Variants in LPP observed in about 807,000 individuals in gnomAD.
The protein encoded by LPP is lipoma-preferred partner.
A neutral mutation model predicts 60.4 loss-of-function variants in LPP; 38 were observed. The ratio of observed to expected loss-of-function variants is 0.63; its 90% CI spans 0.49 to 0.83. The LOEUF is 0.83. LPP is among the 40% of genes least tolerant of loss of function. The pLI, the probability that LPP is intolerant of heterozygous loss-of-function variation, is 0.00. For missense variants in LPP, 902 were observed against 783.6 expected (o/e 1.15, Z -1.80); for synonymous variants, 328 against 290.8 (o/e 1.13, Z -1.30).
At chr3:188,395,819 T>C (rs116086123) in intron 3 of LPP, among the ~76,000 whole-genome samples, 1,569 of 151,976 alleles carry the variant, frequency 0.01, 31 homozygotes, top group African/African-American at 0.035. Context: ...GAGGCTGAGG[T>C]GGGAGAAATA....
chr3:188,733,044 A>C (rs1428600841), intron 8 of LPP, among the ~76,000 whole-genome samples: 1 of 151,994 alleles, frequency 6.6e-6, no homozygotes, highest in Non-Finnish European at 1.5e-5. Context: ...GGTCGAACTC[A>C]GTGAAAAAGG....
chr3:188,596,860 G>C (rs1387332110), intron 6 of LPP, among the ~76,000 whole-genome samples: 1 of 152,086 alleles, frequency 6.6e-6, no homozygotes, highest in African/African-American at 2.4e-5. Flanking sequence ...ATAGCCACTT[G>C]CTCACACTGG....
At chr3:188,470,785 A>G (rs1214524596) in intron 4 of LPP, among the ~76,000 whole-genome samples, 1 of 152,182 alleles carries the variant, frequency 6.6e-6, no homozygotes, top group East Asian at 1.9e-4. Context: ...CCAGGAAGCC[A>G]GAGGAAGCAT....
At chr3:188,645,442 G>A (rs1850932764) in intron 7 of LPP, among the ~76,000 whole-genome samples, 1 of 152,138 alleles carries the variant, frequency 6.6e-6, no homozygotes, top group African/African-American at 2.4e-5. Context: ...ATTTTCAGAA[G>A]CATCTGAAGC....
chr3:188,248,902 G>A (rs60732306), intron 2 of LPP, among the ~76,000 whole-genome samples: 2,589 of 152,166 alleles, frequency 0.017, 68 homozygotes, highest in African/African-American at 0.056. Flanking sequence ...CTCTAAACTT[G>A]CTCTTTCTAA....
chr3:188,395,057 A>G (rs999725086), intron 3 of LPP, among the ~76,000 whole-genome samples: 1 of 152,220 alleles, frequency 6.6e-6, no homozygotes, highest in East Asian at 1.9e-4. Context: ...TTCAGAGTAT[A>G]TAATGCATGA....
intron 4 of LPP, among the ~76,000 whole-genome samples, chr3:188,445,458 G>A (rs1157492097): frequency 1.3e-5 from 2 of 152,038 alleles, no homozygotes; most frequent in African/African-American, 4.8e-5. Context: ...ATGGACACAG[G>A]GAGGGTAACA....
intron 1 of LPP, among the ~76,000 whole-genome samples, chr3:188,183,868 G>A (rs903731613): frequency 3.0e-4 from 46 of 152,102 alleles, no homozygotes; most frequent in African/African-American, 1.1e-3. Context: ...TGCTTTCCTA[G>A]CTGGATATGT....
In LPP at chr3:188,705,608, T is replaced by G. The variant is rs368671746; in HGVS notation, c.1114-2659T>G. On this transcript the variant is annotated intron_variant, in intron 7 of 11. Coordinates refer to ENST00000617246, the MANE Select transcript of LPP (RefSeq NM_001375462.1). ...ATACTATGCTATATATATATATAAT[T>G]TTTTTTAATTTTTTCTTTTTTTGTG... is the stretch of plus-strand genomic sequence containing the variant. 9.2e-5 allele frequency among the ~76,000 whole-genome samples: 14 copies of G among 151,986 alleles called. 1 individual carries two copies. The highest frequency in any genetic ancestry group is 3.9e-4 in the East Asian group (2 of 5,184).
rs75797729 is a variant in LPP at position 188,347,943 on chromosome 3, G to C, written c.-10+6224G>C. On this transcript the variant is annotated intron_variant, in intron 3 of 11. Coordinates refer to ENST00000617246, the MANE Select transcript of LPP (RefSeq NM_001375462.1). ...AGAATAATGGCAAAACAAGAACAAGGCTTTATACCAGCAATCTACAGTAGT... is the reference window on the plus strand; with the variant it reads ...AGAATAATGGCAAAACAAGAACAAGCCTTTATACCAGCAATCTACAGTAGT... 8.5e-3 allele frequency among the ~76,000 whole-genome samples: 1,300 copies of C among 152,230 alleles called. 28 individuals are homozygous for C. Among genetic ancestry groups the C allele is most frequent in the African/African-American group, 0.03 (1,234 of 41,524 alleles).
At chr3:188,448,248 C>A (rs1037057594) in intron 4 of LPP, among the ~76,000 whole-genome samples, 6 of 152,164 alleles carry the variant, frequency 3.9e-5, no homozygotes, top group African/African-American at 1.2e-4. Context: ...GGAACGTGGA[C>A]AAACTCCCTT....
At chr3:188,738,053 A>AT (rs1723126515) in intron 8 of LPP, among the ~76,000 whole-genome samples, 1 of 151,008 alleles carries the variant, frequency 6.6e-6, no homozygotes, top group Non-Finnish European at 1.5e-5. Flanking sequence ...TCCCCTCTAC[A>AT]TTTTTTTCTG....
At position 188,394,551 on chromosome 3, in the gene LPP, A is replaced by AGTGTGTGTGTGTGTGT. The variant is rs1209092729; in HGVS notation, c.-9-11544_-9-11529dup. ...TTGCTACTTCTTTAAAAATATCTAA[A>AGTGTGTGTGTGTGTGT]GTGTGTGTGTGTGTGTGTGTGTGTG... On this transcript the variant is annotated intron_variant, in intron 3 of 11. Transcript: ENST00000617246. Among the ~76,000 whole-genome samples the AGTGTGTGTGTGTGTGT allele has an allele frequency of 5.5e-3, 811 of 146,968 alleles. 13 individuals are homozygous for AGTGTGTGTGTGTGTGT. The highest frequency in any genetic ancestry group is 0.05 in the East Asian group (252 of 5,014).
At chr3:188,390,695 G>A (rs1779488651) in intron 3 of LPP, among the ~76,000 whole-genome samples, 2 of 151,790 alleles carry the variant, frequency 1.3e-5, no homozygotes, top group Admixed American at 6.6e-5. Context: ...GACACATAAG[G>A]AAATTAGTGG....
At chr3:188,743,133 T>G (rs1191926906) in intron 8 of LPP, among the ~76,000 whole-genome samples, 1 of 152,190 alleles carries the variant, frequency 6.6e-6, no homozygotes, top group African/African-American at 2.4e-5. Flanking sequence ...TTTACCTGCT[T>G]TTTCTGAGGG....
At chr3:188,658,971 G>T (rs1374636413) in intron 7 of LPP, among the ~76,000 whole-genome samples, 1 of 152,196 alleles carries the variant, frequency 6.6e-6, no homozygotes, top group African/African-American at 2.4e-5. Context: ...TAATGATGGA[G>T]TGATTTGAAG....
At chr3:188,534,842 G>A (rs1223801600) in intron 6 of LPP, among the ~76,000 whole-genome samples, 2 of 152,146 alleles carry the variant, frequency 1.3e-5, no homozygotes, top group Admixed American at 1.3e-4. Context: ...ATTTTTCATG[G>A]TGAGTAACTG....
In LPP at chr3:188,599,751, G is replaced by GAGGGGTGTGTGT. The variant is rs1553938530; in HGVS notation, c.430-9410_430-9409insAGGGGTGTGTGT. Among the ~76,000 whole-genome samples the GAGGGGTGTGTGT allele has an allele frequency of 1.9e-4, 27 of 139,906 alleles. 1 individual carries two copies. The highest frequency in any genetic ancestry group is 7.0e-4 in the African/African-American group (26 of 37,300). The allele number at this position is 139,906 out of a possible 152,430, so 91.8% of individuals were successfully genotyped here. A position where few individuals can be genotyped will look rare whatever the true frequency, so the allele number is the denominator to read the frequency against. The stretch of plus-strand genomic sequence containing the variant: ...CAAAAACTATCGGGGACTCGTTAGG[G>GAGGGGTGTGTGT]GTGTGTGTGTGTGTGTGTGTGTGTG... On this transcript the variant is annotated intron_variant, in intron 6 of 11. Coordinates refer to ENST00000617246, the MANE Select transcript of LPP (RefSeq NM_001375462.1).
chr3:188,411,509 T>C, intron 4 of LPP, among the ~76,000 whole-genome samples: 1 of 152,180 alleles, frequency 6.6e-6, no homozygotes, highest in African/African-American at 2.4e-5. Flanking sequence ...GTGTTAACTA[T>C]TTCATTTTTT....
Sources: allele counts gnomAD v4.1 joint callset (sites outside exome capture counted in the v4.1 genomes callset), GRCh38; gene constraint gnomAD v4.1.1; transcripts MANE v1.5; gene names NCBI Gene and HGNC (gene_info 2026-07-23, HGNC 2026-07-21).